The following POU3F3 variants were observed in gnomAD, a reference collection of about 807,000 sequenced individuals.
POU3F3 encodes POU domain, class 3, transcription factor 3.
POU3F3 carries 1 observed loss-of-function variant against 8.6 expected under a neutral mutation model. The observed-to-expected ratio is 0.12, with a 90% CI of 0.04 to 0.55. The LOEUF (loss-of-function observed/expected upper bound fraction) is 0.55. POU3F3 is among the 20% of genes least tolerant of loss of function. The pLI is 0.91. For missense variants in POU3F3, 577 were observed against 690.7 expected (o/e 0.84, Z 1.84); for synonymous variants, 418 against 327.4 (o/e 1.28, Z -2.99).
the POU3F3 span, among the ~76,000 whole-genome samples, chr2:104,922,392 C>CAAAAAAA: frequency 4.2e-5 from 3 of 71,008 alleles, no homozygotes; most frequent in Non-Finnish European, 5.5e-5. Context: ...TGAAGATGCT[C>CAAAAAAA]AAAAAAAAAA....
the POU3F3 span, among the ~76,000 whole-genome samples, chr2:104,876,774 G>A: frequency 6.6e-6 from 1 of 152,188 alleles, no homozygotes; most frequent in African/African-American, 2.4e-5. Context: ...GTTGGCACAG[G>A]CCAGAGATGA....
chr2:104,866,764 T>TA, the POU3F3 span: 7 of 152,206 alleles, frequency 4.6e-5, no homozygotes. Flanking sequence ...AGGGCACATG[T>TA]AAGCTTGTGT....
chr2:104,899,475 G>A, the POU3F3 span, among the ~76,000 whole-genome samples: 6 of 152,206 alleles, frequency 3.9e-5, no homozygotes, highest in African/African-American at 1.4e-4. Context: ...TTATCTATAT[G>A]TGGTGTGTCA....
At chr2:104,877,312 G>A in the POU3F3 span, among the ~76,000 whole-genome samples, 2 of 152,068 alleles carry the variant, frequency 1.3e-5, no homozygotes, top group Admixed American at 6.6e-5. Context: ...TTTACTGAGC[G>A]ATTAGCTCTC....
At chr2:104,894,285 C>A in the POU3F3 span, among the ~76,000 whole-genome samples, 1,409 of 152,374 alleles carry the variant, frequency 9.2e-3, 24 homozygotes, top group African/African-American at 0.032. Flanking sequence ...ATTGACCACA[C>A]TGACATATCA....
the POU3F3 span, among the ~76,000 whole-genome samples, chr2:104,900,683 A>C: frequency 2.0e-5 from 3 of 152,198 alleles, no homozygotes; most frequent in African/African-American, 7.2e-5. Context: ...GCACATATTA[A>C]ACTAGAGCCT....
chr2:104,854,019 C>A (rs1305803218), upstream of POU3F3, among the ~76,000 whole-genome samples: 1 of 152,212 alleles, frequency 6.6e-6, no homozygotes, highest in Admixed American at 6.5e-5. This position sits in a 1 kb window ranked among gnomAD's most constrained non-coding sequence, Gnocchi z 4.5. Context: ...CTGCCAATCA[C>A]CCAGCGGGTA....
At chr2:104,914,147 A>G in the POU3F3 span, among the ~76,000 whole-genome samples, 1 of 152,234 alleles carries the variant, frequency 6.6e-6, no homozygotes, top group Non-Finnish European at 1.5e-5. Flanking sequence ...AGTTTGTCAA[A>G]CAACAGAATA....
At position 104,854,164 on chromosome 2, in the gene POU3F3, A is replaced by T. The variant is rs114510536; in HGVS notation, c.-1347A>T. On this transcript the variant is annotated 5_prime_UTR_variant, in exon 1 of 1. Coordinates refer to ENST00000361360, the MANE Select transcript of POU3F3 (RefSeq NM_006236.3). The surrounding 1 kb of genome is among the most constrained non-coding windows in gnomAD (Gnocchi z 4.5). ...GGAGGGACAGAGAGCGAACTGTCAGATCGGAGCGAGAGCGGGCGCCCGAGA... is the reference window on the plus strand; with the variant it reads ...GGAGGGACAGAGAGCGAACTGTCAGTTCGGAGCGAGAGCGGGCGCCCGAGA... 3.7e-3 allele frequency among the ~76,000 whole-genome samples: 563 copies of T among 152,210 alleles called. 4 individuals carry two copies. The highest frequency in any genetic ancestry group is 0.011 in the Admixed American group (163 of 15,290).
the POU3F3 span, among the ~76,000 whole-genome samples, chr2:104,875,586 T>TA: frequency 6.6e-6 from 1 of 152,204 alleles, no homozygotes; most frequent in Admixed American, 6.5e-5. Context: ...ATTTTTTTTT[T>TA]AAAGAGCAAA....
chr2:104,895,024 C>A, the POU3F3 span, among the ~76,000 whole-genome samples: 95 of 151,878 alleles, frequency 6.3e-4, no homozygotes, highest in Non-Finnish European at 1.2e-3. Context: ...ACCTCCGAGC[C>A]CAGACTGGGG....
chr2:104,916,773 G>A, the POU3F3 span, among the ~76,000 whole-genome samples: 1 of 152,166 alleles, frequency 6.6e-6, no homozygotes, highest in Non-Finnish European at 1.5e-5. Flanking sequence ...CTTAGAGGCT[G>A]CCTAACAGAG....
At chr2:104,912,270 G>C in the POU3F3 span, among the ~76,000 whole-genome samples, 5 of 152,182 alleles carry the variant, frequency 3.3e-5, no homozygotes, top group East Asian at 9.7e-4. Context: ...CAAAGGAAGG[G>C]GGAAGGAGGG....
At chr2:104,885,690 C>T in the POU3F3 span, among the ~76,000 whole-genome samples, 1 of 152,198 alleles carries the variant, frequency 6.6e-6, no homozygotes, top group Non-Finnish European at 1.5e-5. Context: ...TCCAGGAAAA[C>T]TCATGAATGA....
the POU3F3 span, among the ~76,000 whole-genome samples, chr2:104,865,182 T>C: frequency 3.9e-5 from 6 of 152,236 alleles, no homozygotes; most frequent in Non-Finnish European, 8.8e-5. Flanking sequence ...GTCTGGTCTT[T>C]AATTCAAGAA....
the POU3F3 span, among the ~76,000 whole-genome samples, chr2:104,884,929 G>A: frequency 6.6e-6 from 1 of 152,166 alleles, no homozygotes; most frequent in African/African-American, 2.4e-5. Context: ...GCCACTTAAA[G>A]GTGTCTGATA....
the POU3F3 span, among the ~76,000 whole-genome samples, chr2:104,892,300 C>T: frequency 3.9e-5 from 6 of 152,212 alleles, no homozygotes; most frequent in African/African-American, 1.4e-4. Flanking sequence ...GGACAGCCAA[C>T]TGCATTGGCC....
At chr2:104,893,620 A>G in the POU3F3 span, among the ~76,000 whole-genome samples, 104,391 of 152,140 alleles carry the variant, frequency 0.69, 36,328 homozygotes, top group East Asian at 0.87. Flanking sequence ...AGTGGCTCAC[A>G]CCTGTAATCC....
rs1164885241 is a variant in POU3F3, at chr2:104,858,537, T to A, written c.*1524T>A. On this transcript the variant is annotated 3_prime_UTR_variant, in exon 1 of 1. Coordinates refer to ENST00000361360, the MANE Select transcript of POU3F3 (RefSeq NM_006236.3). ...TAATTTAATTTGAGTAGTGATTCCG[T>A]AAGAGCTGATCGAGAAAATAAATTT... 1 of 152,224 alleles carries A rather than the reference T, an allele frequency of 6.6e-6. No individual in the cohort carries two copies. The highest frequency in any genetic ancestry group is 1.5e-5 in the Non-Finnish European group (1 of 68,042). The allele number at this position is 152,224 out of a possible 1,614,324, so 9.4% of individuals were successfully genotyped here. A position where few individuals can be genotyped will look rare whatever the true frequency, so the allele number is the denominator to read the frequency against.
Sources: allele counts gnomAD v4.1 joint callset (sites outside exome capture counted in the v4.1 genomes callset), GRCh38; gene constraint gnomAD v4.1.1; non-coding constraint Gnocchi (gnomAD v3.1); transcripts MANE v1.5; gene names NCBI Gene and HGNC (gene_info 2026-07-23, HGNC 2026-07-21).